LRIG1: variants seen among roughly 807,000 people sequenced by gnomAD.
The protein encoded by LRIG1 is leucine rich repeats and immunoglobulin like domains 1.
A neutral mutation model predicts 99.2 loss-of-function variants in LRIG1; 48 were observed. The observed-to-expected ratio is 0.48, with a 90% CI of 0.38 to 0.62. LRIG1 has a LOEUF of 0.62. LRIG1 is among the 20% of genes least tolerant of loss of function. The probability of loss-of-function intolerance (pLI) is 0.00; values close to 1 mark genes in which losing one functional copy is unlikely to be tolerated. For missense variants in LRIG1, 1,646 were observed against 1,434.4 expected, an observed-to-expected ratio of 1.15 and a Z score of -2.38; for synonymous variants, 772 against 596.1, an observed-to-expected ratio of 1.29 and a Z score of -4.30.
At chr3:66,384,663 T>C (rs1701275243) in intron 13 of LRIG1, among the ~76,000 whole-genome samples, 1 of 151,944 alleles carries the variant, frequency 6.6e-6, no homozygotes, top group African/African-American at 2.4e-5. Flanking sequence ...TGGGCATGCC[T>C]CCACCTTGGG....
chr3:66,471,146 C>T (rs145299802), intron 1 of LRIG1, among the ~76,000 whole-genome samples: 1 of 152,282 alleles, frequency 6.6e-6, no homozygotes, highest in Non-Finnish European at 1.5e-5. Context: ...TCACCATGGC[C>T]ACCCCAGCAG....
chr3:66,437,757 G>C (rs955220633), intron 3 of LRIG1, among the ~76,000 whole-genome samples: 6 of 152,104 alleles, frequency 3.9e-5, no homozygotes, highest in African/African-American at 1.4e-4. Context: ...CCTCACCCCA[G>C]CCCCAGAGGA....
intron 2 of LRIG1, among the ~76,000 whole-genome samples, chr3:66,453,164 C>T (rs1703962289): frequency 6.6e-6 from 1 of 152,156 alleles, no homozygotes; most frequent in African/African-American, 2.4e-5. Flanking sequence ...CAAGAGACCC[C>T]CAGGTTTTAT....
chr3:66,476,183 G>A (rs1322390154), intron 1 of LRIG1, among the ~76,000 whole-genome samples: 2 of 152,190 alleles, frequency 1.3e-5, no homozygotes, highest in African/African-American at 2.4e-5. Context: ...CACTCGAAAT[G>A]CGCAGAGATT....
In LRIG1 at chr3:66,379,251, C is replaced by T. The variant is rs1700884372; in HGVS notation, c.*1012G>A. 6.6e-6 allele frequency: 1 copy of T among 152,640 alleles called. No homozygotes were observed. The highest frequency in any genetic ancestry group is 2.1e-4 in the South Asian group (1 of 4,824). 9.5% of individuals were successfully genotyped at this position (152,640 alleles called of 1,614,324 possible). On this transcript the variant is annotated 3_prime_UTR_variant, in exon 19 of 19. Coordinates refer to ENST00000273261, the MANE Select transcript of LRIG1 (RefSeq NM_015541.3). Reference sequence around the variant, plus strand: ...GTCCTTTCCAGTCCCAGCTCAGTTTCATCTGTGCGAAGGAATGGCATGGAC... The same window carrying T: ...GTCCTTTCCAGTCCCAGCTCAGTTTTATCTGTGCGAAGGAATGGCATGGAC...
At chr3:66,403,827 C>T (rs1702157734) in intron 9 of LRIG1, among the ~76,000 whole-genome samples, 1 of 152,216 alleles carries the variant, frequency 6.6e-6, no homozygotes, top group Non-Finnish European at 1.5e-5. Context: ...CCTCACCCTT[C>T]AATCGGTTAT....
intron 9 of LRIG1, chr3:66,404,448 T>C: frequency 1.7e-6 from 2 of 1,149,856 alleles, no homozygotes; most frequent in Non-Finnish European, 2.2e-6. Flanking sequence ...TTGGGTGGCA[T>C]CTGCAGAAAG....
chr3:66,484,920 C>T (rs756700900), intron 1 of LRIG1, among the ~76,000 whole-genome samples: 6 of 151,928 alleles, frequency 3.9e-5, no homozygotes, highest in African/African-American at 1.2e-4. Flanking sequence ...TTTGGGAGGC[C>T]GAGGCCAGCG....
At chr3:66,442,606 T>G (rs1703579468) in intron 3 of LRIG1, among the ~76,000 whole-genome samples, 2 of 152,096 alleles carry the variant, frequency 1.3e-5, no homozygotes, top group African/African-American at 2.4e-5. Flanking sequence ...TTTTCAGCAC[T>G]CACTGCTGGA....
chr3:66,477,348 T>C (rs1700746072), intron 1 of LRIG1, among the ~76,000 whole-genome samples: 2 of 152,208 alleles, frequency 1.3e-5, no homozygotes, highest in African/African-American at 4.8e-5. Flanking sequence ...TTCCACGGTA[T>C]CCAAACTCCT....
At chr3:66,390,842 T>C (rs971053729) in intron 12 of LRIG1, among the ~76,000 whole-genome samples, 5 of 152,160 alleles carry the variant, frequency 3.3e-5, no homozygotes, top group African/African-American at 4.8e-5. Context: ...TAAAAACTTT[T>C]GCATTTCAAC....
intron 9 of LRIG1, chr3:66,401,706 G>A (rs1360919454): frequency 2.0e-6 from 3 of 1,490,936 alleles, no homozygotes; most frequent in Non-Finnish European, 2.7e-6. Flanking sequence ...AGGAGAGGCG[G>A]GATTATGGGC....
chr3:66,440,093 CAAG>C (rs1454192856), intron 3 of LRIG1, among the ~76,000 whole-genome samples: 1 of 151,972 alleles, frequency 6.6e-6, no homozygotes, highest in African/African-American at 2.4e-5. Context: ...GGGGAGGAGA[CAAG>C]AGGAGGAACA....
At chr3:66,408,011 G>C (rs1450270044) in intron 7 of LRIG1, among the ~76,000 whole-genome samples, 2 of 152,180 alleles carry the variant, frequency 1.3e-5, no homozygotes, top group Non-Finnish European at 1.5e-5. Flanking sequence ...AACTCCCCCA[G>C]GGCAGGAGGC....
At chr3:66,422,057 C>G (rs1234409903) in intron 3 of LRIG1, among the ~76,000 whole-genome samples, 1 of 152,216 alleles carries the variant, frequency 6.6e-6, no homozygotes, top group Admixed American at 6.5e-5. Context: ...CACCATGTCT[C>G]TAGGCTGCAC....
intron 2 of LRIG1, among the ~76,000 whole-genome samples, chr3:66,454,140 G>A (rs548585019): frequency 5.3e-5 from 8 of 152,332 alleles, no homozygotes; most frequent in East Asian, 1.9e-4. Context: ...AAAGCCCCCA[G>A]GAGAGGCCCT....
intron 3 of LRIG1, among the ~76,000 whole-genome samples, chr3:66,427,892 T>C (rs1180224487): frequency 6.6e-6 from 1 of 152,224 alleles, no homozygotes; most frequent in Non-Finnish European, 1.5e-5. Flanking sequence ...GTTCTGTACA[T>C]ACCCTTTTTT....
At chr3:66,493,957 GAA>G (rs1223137849) in intron 1 of LRIG1, among the ~76,000 whole-genome samples, 1 of 134,754 alleles carries the variant, frequency 7.4e-6, no homozygotes, top group Non-Finnish European at 1.6e-5. Context: ...GAGAAAGAAA[GAA>G]AGAAAAAGAA....
intron 11 of LRIG1, 69 bp from the exon 12 acceptor site, chr3:66,394,272 A>AC: frequency 8.8e-6 from 12 of 1,356,608 alleles, no homozygotes; most frequent in Middle Eastern, 2.6e-4. Context: ...TCACACACAC[A>AC]ATGATCAGTC....
Sources: gnomAD v4.1 joint callset for allele counts (sites outside exome capture counted in the v4.1 genomes callset) on GRCh38, gnomAD v4.1.1 for gene constraint, MANE v1.5 for transcripts, NCBI Gene and HGNC (gene_info 2026-07-23, HGNC 2026-07-21) for gene names.